The following ZNF512 variants were observed in gnomAD, a reference collection of about 807,000 sequenced individuals.
ZNF512 encodes the protein zinc finger protein 512.
ZNF512 carries 25 observed loss-of-function variants against 77.5 expected under a neutral mutation model. The ratio of observed to expected loss-of-function variants is 0.32; its 90% CI spans 0.23 to 0.45. The LOEUF is 0.45. Ranked by LOEUF, ZNF512 falls within the 20% of genes least tolerant of loss-of-function variation. ZNF512 has a pLI of 1.00. For missense variants in ZNF512, 483 were observed against 692.6 expected, an observed-to-expected ratio of 0.70 and a Z score of 3.40; for synonymous variants, 246 against 239.9, an observed-to-expected ratio of 1.03 and a Z score of -0.24.
In ZNF512 at chr2:27,618,192, T is replaced by A. The variant is rs745594411; in HGVS notation, c.1395+621T>A. Among the ~76,000 whole-genome samples the A allele has an allele frequency of 5.3e-5, 8 of 152,180 alleles. No individual in the cohort carries two copies. The South Asian group carries it at 1.2e-3, about 24-fold the overall frequency. ...GCCTTGGCCTCCCAAAGTGCTAGGA[T>A]TACAGGTGTGAGCCACCATGCCCGG... is the stretch of plus-strand genomic sequence containing the variant. On this transcript the variant is annotated intron_variant, in intron 13 of 13. Coordinates refer to ENST00000355467, the MANE Select transcript of ZNF512 (RefSeq NM_032434.4).
Position 27,617,559 on chromosome 2 carries a change from C to A in ZNF512, c.1383C>A (p.Ser461=). 7.9e-7 allele frequency: 1 copy of A among 1,260,152 alleles called. No homozygotes were observed. The highest frequency in any genetic ancestry group is 1.2e-6 in the Non-Finnish European group (1 of 856,662). 78.1% of individuals were successfully genotyped at this position (1,260,152 alleles called of 1,614,324 possible). A position where few individuals can be genotyped will look rare whatever the true frequency, so the allele number is the denominator to read the frequency against. ...GTGGTGTCAAGTATCACATCAACTC[C>A]GTCCATGCTGAGGTGAGGTTTTTGT... ...SESGVKYHIN[S]VHAEDWFVVN... Residue 461 remains serine, a synonymous_variant, in exon 13 of 14, where the codon TCC becomes TCA. Transcript: ENST00000355467.
Position 27,602,569 on chromosome 2 carries a change from C to T in ZNF512, c.768+8C>T, listed in dbSNP as rs1672166981. ...CTCAGGTGCATGCGTGAGGTAAGGG[C>T]CCAAGGACAGCAATTCCTTCTGCCT... On this transcript the variant is annotated splice_region_variant and intron_variant, in intron 8 of 13. Coordinates refer to ENST00000355467, the MANE Select transcript of ZNF512 (RefSeq NM_032434.4). 8.7e-6 allele frequency: 14 copies of T among 1,602,504 alleles called. No individual in the cohort carries two copies. The highest frequency in any genetic ancestry group is 1.3e-5 in the African/African-American group (1 of 74,426).
At chr2:27,599,524 C>T in intron 3 of ZNF512, 59 bp from the exon 4 acceptor site, 2 of 1,266,406 alleles carry the variant, frequency 1.6e-6, no homozygotes, top group Non-Finnish European at 2.3e-6. Context: ...GAAGACAGGC[C>T]TAGATGTTCA....
chr2:27,617,353 T>A (rs1301821425), intron 12 of ZNF512, 120 bp from the exon 13 acceptor site: 4 of 638,650 alleles, frequency 6.3e-6, no homozygotes, highest in Non-Finnish European at 8.5e-6. Context: ...TTGGATCTTT[T>A]TCCTTCTTAT....
At chr2:27,610,289 G>A (rs1672555670) in intron 10 of ZNF512, among the ~76,000 whole-genome samples, 1 of 148,954 alleles carries the variant, frequency 6.7e-6, no homozygotes. Context: ...ACTTGAACCC[G>A]GGGGGCAGAG....
chr2:27,601,895 C>T (rs931887182), intron 7 of ZNF512, among the ~76,000 whole-genome samples: 8 of 152,224 alleles, frequency 5.3e-5, no homozygotes, highest in Non-Finnish European at 8.8e-5. Context: ...GTGATCTTCC[C>T]GTCTTGGCCT....
intron 10 of ZNF512, among the ~76,000 whole-genome samples, chr2:27,614,049 T>TA (rs796218638): frequency 2.0e-5 from 3 of 152,192 alleles, no homozygotes; most frequent in East Asian, 3.8e-4. Context: ...CTGTACTCTA[T>TA]AAAAGTATTG....
intron 13 of ZNF512, among the ~76,000 whole-genome samples, chr2:27,619,172 G>A (rs1427814841): frequency 6.6e-6 from 1 of 152,194 alleles, no homozygotes; most frequent in African/African-American, 2.4e-5. Flanking sequence ...CACTTTGGGA[G>A]GCCGAGGCGG....
At chr2:27,604,052 G>T (rs1233313188) in intron 9 of ZNF512, among the ~76,000 whole-genome samples, 4 of 151,936 alleles carry the variant, frequency 2.6e-5, no homozygotes, top group Admixed American at 2.6e-4. Flanking sequence ...TCAGCTTCCC[G>T]AGTAGCTGGG....
chr2:27,610,548 A>G (rs552293496), intron 10 of ZNF512, among the ~76,000 whole-genome samples: 645 of 21,582 alleles, frequency 0.03, 18 homozygotes, highest in South Asian at 0.059. Context: ...GTGTGTGTAT[A>G]TATATATATA....
In ZNF512 at chr2:27,609,729, C is replaced by T. The variant is rs367625602; in HGVS notation, c.1131+1690C>T. On this transcript the variant is annotated intron_variant, in intron 10 of 13. Transcript: ENST00000355467. Reference sequence around the variant, plus strand: ...ATTAAAAATACAAAAATTAGCTGGACGTGGAGGCGAGTGCCCGTAATCCCA... The same window carrying T: ...ATTAAAAATACAAAAATTAGCTGGATGTGGAGGCGAGTGCCCGTAATCCCA... Among the ~76,000 whole-genome samples the T allele has an allele frequency of 2.0e-4, 31 of 152,196 alleles. No individual in the cohort carries two copies. The Middle Eastern group carries it at 0.014, about 67-fold the overall frequency.
chr2:27,583,248 A>G (rs937647746), intron 1 of ZNF512, 106 bp downstream of exon 1: 69 of 1,521,558 alleles, frequency 4.5e-5, no homozygotes, highest in Middle Eastern at 3.4e-4. Context: ...ATCAGAGGCC[A>G]TCGTAGGCCC....
In ZNF512 at chr2:27,584,355, T is replaced by C. The variant is rs1226132796; in HGVS notation, c.89+639T>C. ...TTAAACTACTTGTCTGTAAGACTGG[T>C]TTATTATTTAGTACACTGAAGGTGC... On this transcript the variant is annotated intron_variant, in intron 2 of 13. Transcript: ENST00000355467. Among the ~76,000 whole-genome samples the C allele has an allele frequency of 3.3e-5, 5 of 152,248 alleles. No individual in the cohort carries two copies. In the East Asian group the frequency reaches 9.6e-4, roughly 29 times the overall value.
chr2:27,598,047 A>G lies in ZNF512; in HGVS notation c.90-20A>G. On this transcript the variant is annotated intron_variant, in intron 2 of 13. Coordinates refer to ENST00000355467, the MANE Select transcript of ZNF512 (RefSeq NM_032434.4). ...TGCTCCAGACCTTCCTTTGTGGTAT[A>G]TATTTTTATGTTGTATTAGTAGCAG... 2 of 1,504,590 alleles carry G rather than the reference A, an allele frequency of 1.3e-6. No homozygotes were observed. Among genetic ancestry groups the G allele is most frequent in the Non-Finnish European group, 1.8e-6 (2 of 1,111,200 alleles). 93.2% of individuals were successfully genotyped at this position (1,504,590 alleles called of 1,614,324 possible). A position where few individuals can be genotyped will look rare whatever the true frequency, so the allele number is the denominator to read the frequency against.
chr2:27,605,190 A>C (rs111541674), intron 9 of ZNF512, among the ~76,000 whole-genome samples: 13 of 152,140 alleles, frequency 8.5e-5, no homozygotes, highest in Admixed American at 8.5e-4. Context: ...ACAATGACTC[A>C]TGCCTGTAAT....
intron 10 of ZNF512, among the ~76,000 whole-genome samples, chr2:27,609,409 G>A (rs1572928037): frequency 6.6e-6 from 1 of 152,016 alleles, no homozygotes; most frequent in Non-Finnish European, 1.5e-5. Context: ...GTTTCAGTAC[G>A]CATAGGATAT....
chr2:27,583,217 G>C (rs368259305), intron 1 of ZNF512, 75 bp downstream of exon 1: 1 of 1,605,090 alleles, frequency 6.2e-7, no homozygotes, highest in Non-Finnish European at 8.5e-7. Context: ...CCTCGCTTTT[G>C]TCCCATGCTG....
chr2:27,585,583 A>G (rs1355020175), intron 2 of ZNF512, among the ~76,000 whole-genome samples: 1 of 152,234 alleles, frequency 6.6e-6, no homozygotes, highest in Non-Finnish European at 1.5e-5. Flanking sequence ...ATCATGGAGA[A>G]CACTAGCTTT....
chr2:27,613,726 G>T (rs1440896855), intron 10 of ZNF512, among the ~76,000 whole-genome samples: 1 of 151,998 alleles, frequency 6.6e-6, no homozygotes, highest in Admixed American at 6.6e-5. Flanking sequence ...AAGTGGACCT[G>T]CACAGTTCAA....
Sources: gnomAD v4.1 joint callset for allele counts (sites outside exome capture counted in the v4.1 genomes callset) on GRCh38, gnomAD v4.1.1 for gene constraint, MANE v1.5 for transcripts, NCBI Gene and HGNC (gene_info 2026-07-23, HGNC 2026-07-21) for gene names.